Variants in FAM53B observed in about 807,000 individuals in gnomAD.
The protein encoded by FAM53B is family with sequence similarity 53 member B, also known as protein FAM53B.
In FAM53B, 12 loss-of-function variants were observed where a neutral mutation model predicts 32.7. The observed-to-expected ratio is 0.37, with a 90% CI of 0.24 to 0.59. The LOEUF (loss-of-function observed/expected upper bound fraction) is 0.59, where lower values mean the gene tolerates loss of function less well. FAM53B is among the 20% of genes least tolerant of loss of function. The pLI is 0.72. For missense variants in FAM53B, 477 were observed against 577.7 expected, an observed-to-expected ratio of 0.83 and a Z score of 1.79; for synonymous variants, 234 against 228.7, an observed-to-expected ratio of 1.02 and a Z score of -0.21.
chr10:124,697,702 G>A (rs545835026), intron 2 of FAM53B, among the ~76,000 whole-genome samples: 3 of 152,054 alleles, frequency 2.0e-5, no homozygotes, highest in South Asian at 2.1e-4. Context: ...CAGCCTCCTG[G>A]GGGGGATGCT....
intron 3 of FAM53B, among the ~76,000 whole-genome samples, chr10:124,686,129 A>T (rs950007565): frequency 1.3e-5 from 2 of 152,210 alleles, no homozygotes; most frequent in Admixed American, 1.3e-4. Flanking sequence ...TTGTGTAGAC[A>T]ACCCAAAAGG....
chr10:124,665,430 G>A (rs1408875263), intron 4 of FAM53B, among the ~76,000 whole-genome samples: 4 of 152,242 alleles, frequency 2.6e-5, no homozygotes. Context: ...GGCTGCCCAA[G>A]CCTGTTCCCC....
chr10:124,703,265 G>T (rs1373046828), intron 2 of FAM53B, among the ~76,000 whole-genome samples: 2 of 152,258 alleles, frequency 1.3e-5, no homozygotes, highest in Non-Finnish European at 2.9e-5. Flanking sequence ...AGCCAGGATG[G>T]TCTTGATCTC....
Position 124,623,363 on chromosome 10 carries a change from A to G in FAM53B, c.1148T>C (p.Leu383Pro). The change falls in exon 5 of 5, where the codon CTG becomes CCG. Residue 383 changes from leucine (L) to proline (P), a missense_variant. Around this residue, in one of 2 missense-constraint regions of FAM53B, gnomAD observed 165 missense variants for 157.5 expected, o/e 1.05. Transcript: ENST00000337318. Reference protein sequence around the residue: ...LSCEESDSCALDEDCGRRAEP... With the variant: ...LSCEESDSCAPDEDCGRRAEP... ...CGCTCTCCTGCCACAATCCTCGTCC[A>G]GGGCGCAGCTGTCTGACTCCTCACA... is the stretch of plus-strand genomic sequence containing the variant. 1 of 1,612,640 alleles carries G rather than the reference A, an allele frequency of 6.2e-7. No individual in the cohort carries two copies.
At chr10:124,650,093 A>C (rs912527143) in intron 4 of FAM53B, among the ~76,000 whole-genome samples, 4 of 152,236 alleles carry the variant, frequency 2.6e-5, no homozygotes, top group African/African-American at 9.6e-5. Context: ...TACAGATGAC[A>C]TAATTATCGA....
intron 4 of FAM53B, among the ~76,000 whole-genome samples, chr10:124,627,062 C>T (rs1394103893): frequency 2.0e-5 from 3 of 152,256 alleles, no homozygotes; most frequent in African/African-American, 7.2e-5. Context: ...GCCAGCGAAA[C>T]CTTGAGAATT....
At chr10:124,709,340 A>G (rs1949984009) in intron 1 of FAM53B, among the ~76,000 whole-genome samples, 1 of 152,222 alleles carries the variant, frequency 6.6e-6, no homozygotes, top group Non-Finnish European at 1.5e-5. Flanking sequence ...AACGAGGCAA[A>G]GACGGGGCAC....
At chr10:124,632,256 G>A (rs909811220) in intron 4 of FAM53B, among the ~76,000 whole-genome samples, 2 of 152,366 alleles carry the variant, frequency 1.3e-5, no homozygotes, top group East Asian at 1.9e-4. Flanking sequence ...AGGGCCTCCC[G>A]GTGCTCTCAC....
intron 1 of FAM53B, among the ~76,000 whole-genome samples, chr10:124,730,829 C>A (rs1950137789): frequency 6.6e-6 from 1 of 152,208 alleles, no homozygotes; most frequent in African/African-American, 2.4e-5. Flanking sequence ...GCAGAGTATT[C>A]ATGTGGAGAA....
At chr10:124,623,870 CCAGTT>C (rs1323254036) in intron 4 of FAM53B, 13 of 464,838 alleles carry the variant, frequency 2.8e-5, no homozygotes, top group Non-Finnish European at 3.8e-5. Context: ...TGATGCAGAC[CCAGTT>C]CTGGGGGGCT....
chr10:124,631,622 C>T (rs1165464015), intron 4 of FAM53B, among the ~76,000 whole-genome samples: 4 of 152,202 alleles, frequency 2.6e-5, no homozygotes, highest in Non-Finnish European at 5.9e-5. Context: ...GCCCGGCCAC[C>T]ACTCTCGGGC....
intron 2 of FAM53B, among the ~76,000 whole-genome samples, chr10:124,696,482 G>C (rs946138788): frequency 7.9e-5 from 12 of 152,178 alleles, no homozygotes; most frequent in African/African-American, 2.7e-4. Context: ...TGACACGAGG[G>C]GATTTTTCCA....
intron 4 of FAM53B, among the ~76,000 whole-genome samples, chr10:124,673,439 A>C (rs1157722773): frequency 6.6e-6 from 1 of 152,204 alleles, no homozygotes; most frequent in East Asian, 1.9e-4. Context: ...TATATACTAG[A>C]ACAGGCTTTC....
intron 1 of FAM53B, among the ~76,000 whole-genome samples, chr10:124,725,259 T>G (rs769680865): frequency 3.2e-4 from 48 of 152,332 alleles, no homozygotes; most frequent in Non-Finnish European, 6.5e-4. Context: ...GCTGACTGTA[T>G]GGACTTCAAC....
At chr10:124,729,057 G>A (rs1277691556) in intron 1 of FAM53B, among the ~76,000 whole-genome samples, 2 of 152,240 alleles carry the variant, frequency 1.3e-5, no homozygotes, top group Admixed American at 6.5e-5. Context: ...CAGACGATGA[G>A]AGAACATATG....
intron 2 of FAM53B, among the ~76,000 whole-genome samples, chr10:124,702,914 G>C (rs1949925306): frequency 6.6e-6 from 1 of 152,134 alleles, no homozygotes; most frequent in African/African-American, 2.4e-5. Flanking sequence ...AGGGCTGGTA[G>C]TTTAACAGGT....
intron 4 of FAM53B, chr10:124,671,134 G>A (rs973240484): frequency 2.2e-5 from 10 of 451,958 alleles, no homozygotes; most frequent in African/African-American, 4.0e-5. Context: ...TGCTGTCACC[G>A]TCACCCAGCC....
chr10:124,736,409 G>C (rs970173259), intron 1 of FAM53B, among the ~76,000 whole-genome samples: 1 of 152,250 alleles, frequency 6.6e-6, no homozygotes, highest in Non-Finnish European at 1.5e-5. Context: ...CAAAACCACA[G>C]ACCTCTTTTC....
intron 3 of FAM53B, among the ~76,000 whole-genome samples, chr10:124,691,015 G>A (rs983045125): frequency 1.3e-5 from 2 of 152,134 alleles, no homozygotes; most frequent in Non-Finnish European, 2.9e-5. Context: ...TTGATTCTTC[G>A]TTTATTTGTT....
Sources: allele counts gnomAD v4.1 joint callset (sites outside exome capture counted in the v4.1 genomes callset), GRCh38; gene constraint gnomAD v4.1.1; regional missense constraint gnomAD v4.1.1; transcripts MANE v1.5; gene names NCBI Gene and HGNC (gene_info 2026-07-23, HGNC 2026-07-21).